Variants in USP42 observed in about 807,000 individuals in gnomAD.
USP42 encodes the protein ubiquitin carboxyl-terminal hydrolase 42.
A neutral mutation model predicts 113.0 loss-of-function variants in USP42; 23 were observed. The ratio of observed to expected loss-of-function variants is 0.20; its 90% CI spans 0.15 to 0.29. USP42 has a LOEUF of 0.29. USP42 is among the 10% of genes least tolerant of loss of function. The pLI is 1.00. For missense variants in USP42, 2,174 were observed against 1,779.8 expected (o/e 1.22, Z -3.99); for synonymous variants, 933 against 699.0 (o/e 1.33, Z -5.28).
In USP42 at chr7:6,149,942, C is replaced by T. The variant is rs143234458; in HGVS notation, c.1746C>T (p.Ile582=). The change falls in exon 13 of 18, where the codon ATC becomes ATT. Residue 582 remains isoleucine, a synonymous_variant. Coordinates refer to ENST00000306177, the MANE Select transcript of USP42 (RefSeq NM_032172.3). Reference sequence around the variant, plus strand: ...TTTCTAGTAAAGTAACAAAACCGATCCCCCGCAGTGAATCCTGCTCCCAGC... The same window carrying T: ...TTTCTAGTAAAGTAACAAAACCGATTCCCCGCAGTGAATCCTGCTCCCAGC... ...MSVSSKVTKP[I]PRSESCSQPV... 490 of 1,614,010 alleles carry T rather than the reference C, an allele frequency of 3.0e-4. No individual in the cohort carries two copies. The highest frequency in any genetic ancestry group is 3.9e-4 in the Non-Finnish European group (465 of 1,179,902).
rs1193549713 is a variant in USP42 at position 6,153,944 on chromosome 7, C to T, written c.2390C>T (p.Ala797Val). 1.9e-6 allele frequency: 3 copies of T among 1,597,964 alleles called. No individual in the cohort carries two copies. The highest frequency in any genetic ancestry group is 1.7e-5 in the Admixed American group (1 of 58,992). Residue 797 changes from alanine to valine, a missense_variant, in exon 15 of 18, where the codon GCC (alanine) becomes GTC (valine). Physicochemically the swap from Ala to Val is moderately conservative, Grantham distance 64. Transcript: ENST00000306177. Reference protein sequence around the residue: ...KEGAWEAMAVAPEEPPPSAGE... With the variant: ...KEGAWEAMAVVPEEPPPSAGE... ...GGCGCCTGGGAGGCCATGGCCGTCG[C>T]CCCCGAGGAGCCTCCGCCCAGCGCC...
intron 1 of USP42, among the ~76,000 whole-genome samples, chr7:6,105,764 ATCCGTTGCAG>A (rs1200163544): frequency 6.6e-6 from 1 of 152,120 alleles, no homozygotes; most frequent in Non-Finnish European, 1.5e-5. Flanking sequence ...GGAACGGGGG[ATCCGTTGCAG>A]ATGTTGGAAA....
At chr7:6,110,590 T>C (rs1455856900) in intron 1 of USP42, among the ~76,000 whole-genome samples, 2 of 152,192 alleles carry the variant, frequency 1.3e-5, no homozygotes, top group Admixed American at 6.5e-5. Flanking sequence ...AGGTGAGATC[T>C]CTATAATTAT....
Position 6,154,638 on chromosome 7 carries a change from G to A in USP42, c.3084G>A (p.Val1028=). The A allele has an allele frequency of 6.2e-7, 1 of 1,604,240 alleles. No homozygotes were observed. The highest frequency in any genetic ancestry group is 8.5e-7 in the Non-Finnish European group (1 of 1,176,554). The change falls in exon 15 of 18, where the codon GTG becomes GTA. Residue 1028 remains valine (V), a synonymous_variant. Transcript: ENST00000306177. ...SHHHSRHRSG[V]ELDWVRHHYT... is the part of the protein sequence containing the mutation. ...ACCACTCCCGACACCGGAGCGGGGT[G>A]GAGCTGGACTGGGTCAGACACCACT...
chr7:6,106,012 G>A (rs568249327), intron 1 of USP42, among the ~76,000 whole-genome samples: 1 of 152,208 alleles, frequency 6.6e-6, no homozygotes, highest in Non-Finnish European at 1.5e-5. Context: ...CGTTTTGGTG[G>A]CCTCTCAAAA....
chr7:6,097,999 G>A, the USP42 span, among the ~76,000 whole-genome samples: 20 of 143,674 alleles, frequency 1.4e-4, 1 homozygote, highest in African/African-American at 5.0e-4. Context: ...TCAACTCCCT[G>A]GTTTAAGCGA....
chr7:6,083,617 G>A, the USP42 span, among the ~76,000 whole-genome samples: 14 of 149,610 alleles, frequency 9.4e-5, no homozygotes, highest in Non-Finnish European at 1.8e-4. Flanking sequence ...CCCAGAAACC[G>A]CAATAAATAT....
chr7:6,112,900 C>CT (rs34002709), intron 2 of USP42, among the ~76,000 whole-genome samples: 17,457 of 102,730 alleles, frequency 0.17, 2,310 homozygotes, highest in African/African-American at 0.3. Context: ...TAGTAAGTTT[C>CT]TTTTTTTTTT....
chr7:6,115,325 C>T lies in USP42; in HGVS notation c.244C>T (p.Leu82=), dbSNP rs1488095203. 1 of 1,613,818 alleles carries T rather than the reference C, an allele frequency of 6.2e-7. No homozygotes were observed. Among genetic ancestry groups the T allele is most frequent in the South Asian group, 1.1e-5 (1 of 91,088 alleles). ...CTCTTTCTTGTTTATTTTTCTAGCC[C>T]TAGGTGATGGCATCGCTCCTCCACA... ...SKPSPQKDQA[L]GDGIAPPQKV... The change falls in exon 3 of 18, where the codon CTA becomes TTA. Residue 82 remains leucine (L), a splice_region_variant and synonymous_variant. Coordinates refer to ENST00000306177, the MANE Select transcript of USP42 (RefSeq NM_032172.3).
chr7:6,129,874 A>C (rs1164110034), intron 3 of USP42, among the ~76,000 whole-genome samples: 1 of 152,100 alleles, frequency 6.6e-6, no homozygotes, highest in Non-Finnish European at 1.5e-5. Context: ...AAAAAAAAAA[A>C]AAGGTTTCTT....
chr7:6,083,194 G>A, the USP42 span, among the ~76,000 whole-genome samples: 1 of 149,084 alleles, frequency 6.7e-6, no homozygotes, highest in South Asian at 2.1e-4. Flanking sequence ...CAAAGGGCTG[G>A]GGTTACAGGC....
intron 8 of USP42, 68 bp from the exon 9 acceptor site, chr7:6,144,017 A>G (rs1781572793): frequency 6.6e-6 from 7 of 1,062,684 alleles, no homozygotes; most frequent in African/African-American, 1.7e-5. Context: ...GTAACAAGAA[A>G]GACCAAAATA....
intron 3 of USP42, among the ~76,000 whole-genome samples, chr7:6,119,911 A>G (rs1251479207): frequency 2.6e-5 from 4 of 152,158 alleles, no homozygotes; most frequent in African/African-American, 9.7e-5. Flanking sequence ...CATGTTGCCC[A>G]GGCTGGTCTT....
the USP42 span, among the ~76,000 whole-genome samples, chr7:6,091,982 TTC>T: frequency 9.4e-5 from 2 of 21,362 alleles, no homozygotes; most frequent in Non-Finnish European, 2.1e-4. Flanking sequence ...GTATTTTTTC[TTC>T]TTCTTCTTCT....
chr7:6,106,253 A>G (rs1779269279), intron 1 of USP42, among the ~76,000 whole-genome samples: 1 of 152,154 alleles, frequency 6.6e-6, no homozygotes, highest in Non-Finnish European at 1.5e-5. Context: ...TTGTCTTTTT[A>G]AAGCGTGTGT....
At position 6,159,543 on chromosome 7, in the gene USP42, G is replaced by T. The variant is rs1782653782; in HGVS notation, c.*36+50G>T. On this transcript the variant is annotated intron_variant, in intron 17 of 17. Coordinates refer to ENST00000306177, the MANE Select transcript of USP42 (RefSeq NM_032172.3). This position sits in a 1 kb window ranked among gnomAD's most constrained non-coding sequence, Gnocchi z 4.1. ...CTCATTGTTTGTGGTGGCGCTGAGG[G>T]GACGCAGGCAGAGGAGTTTTAATTC... 2 of 1,556,732 alleles carry T rather than the reference G, an allele frequency of 1.3e-6. No individual in the cohort carries two copies. The highest frequency in any genetic ancestry group is 8.9e-7 in the Non-Finnish European group (1 of 1,129,708).
rs749488498 is a variant in USP42 at position 6,159,506 on chromosome 7, C to CCTGT, written c.*36+18_*36+21dup. 4 of 1,612,086 alleles carry CCTGT rather than the reference C, an allele frequency of 2.5e-6. No homozygotes were observed. In the South Asian group the frequency reaches 3.3e-5, roughly 13 times the overall value. On this transcript the variant is annotated intron_variant, in intron 17 of 17. Coordinates refer to ENST00000306177, the MANE Select transcript of USP42 (RefSeq NM_032172.3). The surrounding 1 kb of genome is among the most constrained non-coding windows in gnomAD (Gnocchi z 4.1). ...TTCACTAGTTATGGTAAGCTGTTTT[C>CCTGT]CTGTCTGTTTCCTCATTGTTTGTGG... is the stretch of plus-strand genomic sequence containing the variant.
chr7:6,085,458 C>T, the USP42 span, among the ~76,000 whole-genome samples: 1 of 149,210 alleles, frequency 6.7e-6, no homozygotes, highest in Non-Finnish European at 1.5e-5. Flanking sequence ...ACTCGTAAAA[C>T]GGAAATCTAG....
intron 14 of USP42, among the ~76,000 whole-genome samples, chr7:6,152,491 G>A (rs1234357888): frequency 1.3e-5 from 2 of 152,216 alleles, no homozygotes; most frequent in Non-Finnish European, 2.9e-5. Context: ...GGCAACCCCA[G>A]AATGGCCCCC....
Sources: gnomAD v4.1 joint callset for allele counts (sites outside exome capture counted in the v4.1 genomes callset) on GRCh38, gnomAD v4.1.1 for gene constraint, Gnocchi (gnomAD v3.1) non-coding constraint, MANE v1.5 for transcripts, NCBI Gene and HGNC (gene_info 2026-07-23, HGNC 2026-07-21) for gene names.